GRM5: variants seen among roughly 807,000 people sequenced by gnomAD.
The protein encoded by GRM5 is metabotropic glutamate receptor 5.
Under a neutral mutation model 83.1 loss-of-function variants are expected in GRM5, and 19 were observed. That is an observed-to-expected ratio of 0.23 (90% CI 0.16 to 0.34). The LOEUF is 0.34. Among genes scored for constraint, GRM5 ranks in the 10% least tolerant of loss-of-function variants. GRM5 has a pLI of 1.00. For missense variants in GRM5, 1,160 were observed against 1,588.3 expected (o/e 0.73, Z 4.58); for synonymous variants, 675 against 633.6 (o/e 1.07, Z -0.98).
chr11:88,949,847 C>A (rs1370536369), intron 2 of GRM5, among the ~76,000 whole-genome samples: 1 of 151,972 alleles, frequency 6.6e-6, no homozygotes, highest in Non-Finnish European at 1.5e-5. Context: ...ATGATATATA[C>A]ATCAATGTAA....
intron 3 of GRM5, among the ~76,000 whole-genome samples, chr11:88,710,009 G>C (rs894990617): frequency 6.6e-6 from 1 of 152,078 alleles, no homozygotes; most frequent in East Asian, 1.9e-4. Flanking sequence ...GAGGGAAAAT[G>C]CTGGGTATTC....
intron 5 of GRM5, among the ~76,000 whole-genome samples, chr11:88,602,956 T>G (rs1938039576): frequency 6.6e-6 from 1 of 152,206 alleles, no homozygotes; most frequent in South Asian, 2.1e-4. Context: ...TTCCTGAGTC[T>G]GCTTCATGCC....
At chr11:88,955,146 T>C (rs1938570119) in intron 2 of GRM5, among the ~76,000 whole-genome samples, 1 of 152,110 alleles carries the variant, frequency 6.6e-6, no homozygotes, top group African/African-American at 2.4e-5. Context: ...ACACACACAA[T>C]CAAAAGCAAA....
chr11:88,902,865 C>T (rs185936952), intron 2 of GRM5, among the ~76,000 whole-genome samples: 134 of 142,618 alleles, frequency 9.4e-4, no homozygotes, highest in Non-Finnish European at 1.5e-3. Context: ...GCAGAAGAAT[C>T]GCTTGAATCC....
rs555627688 is a variant in GRM5, at chr11:88,682,697, A to G, written c.912-29294T>C. 3.9e-5 allele frequency among the ~76,000 whole-genome samples: 6 copies of G among 152,086 alleles called. No individual in the cohort carries two copies. The South Asian group carries it at 8.3e-4, about 21-fold the overall frequency. On this transcript the variant is annotated intron_variant, in intron 3 of 9. Coordinates refer to ENST00000305447, the MANE Select transcript of GRM5 (RefSeq NM_001143831.3). The stretch of plus-strand genomic sequence containing the variant: ...TATATCTGCCTATGATGCTTTGTTT[A>G]TATTTCTGTTAATGCAGTTCTCTCT...
At chr11:88,639,433 A>T (rs562231326) in intron 4 of GRM5, among the ~76,000 whole-genome samples, 1 of 152,196 alleles carries the variant, frequency 6.6e-6, no homozygotes, top group South Asian at 2.1e-4. Context: ...TTTGAGGTCC[A>T]GTGTCTTGCA....
chr11:88,950,540 A>G (rs919720307), intron 2 of GRM5, among the ~76,000 whole-genome samples: 5 of 152,210 alleles, frequency 3.3e-5, no homozygotes, highest in Non-Finnish European at 5.9e-5. Context: ...AACTAGAAAT[A>G]ATGTGAAAAC....
intron 2 of GRM5, among the ~76,000 whole-genome samples, chr11:88,862,629 G>T (rs115291838): frequency 6.6e-6 from 1 of 151,992 alleles, no homozygotes; most frequent in East Asian, 1.9e-4. Flanking sequence ...TATTGATATT[G>T]TATCTACAGG....
chr11:89,041,927 G>A (rs1199175289), intron 2 of GRM5, among the ~76,000 whole-genome samples: 4 of 152,148 alleles, frequency 2.6e-5, no homozygotes, highest in Admixed American at 2.6e-4. Flanking sequence ...CAGAATTTTT[G>A]TGGAGCAAAG....
intron 2 of GRM5, among the ~76,000 whole-genome samples, chr11:88,858,656 G>GC (rs369400003): frequency 7.2e-4 from 109 of 152,102 alleles, no homozygotes; most frequent in Middle Eastern, 3.4e-3. Context: ...AGATTCCTGA[G>GC]CCCTGGAATC....
At chr11:88,995,870 C>G (rs751164621) in intron 2 of GRM5, among the ~76,000 whole-genome samples, 1 of 151,972 alleles carries the variant, frequency 6.6e-6, no homozygotes, top group African/African-American at 2.4e-5. Flanking sequence ...TATTGGGGCT[C>G]TGGGCATGGA....
intron 4 of GRM5, among the ~76,000 whole-genome samples, chr11:88,609,998 C>G (rs978045607): frequency 4.6e-5 from 7 of 152,080 alleles, no homozygotes; most frequent in African/African-American, 1.7e-4. Flanking sequence ...AAGTCCTTTC[C>G]CCACTGTTTG....
In GRM5 at chr11:88,597,263, T is replaced by A. The variant is rs1205095710; in HGVS notation, c.1484A>T (p.Asp495Val). 1 of 1,605,112 alleles carries A rather than the reference T, an allele frequency of 6.2e-7. No homozygotes were observed. Among genetic ancestry groups the A allele is most frequent in the Non-Finnish European group, 8.5e-7 (1 of 1,172,250 alleles). ...TTTCTTGGACCATACTTCATCATCA[T>A]CCATTTTTAATTCTCCATTGTCCCA... ...GSWDNGELKMDDDEVWSKKSN... is the reference protein window; with the variant it reads ...GSWDNGELKMVDDEVWSKKSN... The change falls in exon 6 of 10, where the codon GAT becomes GTT. Residue 495 changes from aspartate (D) to valine (V), a missense_variant. Asp to Val is a radical substitution (Grantham distance 152). Transcript: ENST00000305447.
intron 3 of GRM5, among the ~76,000 whole-genome samples, chr11:88,725,900 C>A (rs1224873017): frequency 6.6e-6 from 1 of 152,068 alleles, no homozygotes; most frequent in Non-Finnish European, 1.5e-5. Flanking sequence ...CATCAAAGAC[C>A]AAAGGTAGAT....
intron 7 of GRM5, among the ~76,000 whole-genome samples, chr11:88,574,957 G>A (rs1456022762): frequency 6.6e-6 from 1 of 150,656 alleles, no homozygotes; most frequent in Non-Finnish European, 1.5e-5. Flanking sequence ...CTTTTCTTAA[G>A]GAGGCTGTTA....
At chr11:89,034,720 T>C (rs1941342718) in intron 2 of GRM5, among the ~76,000 whole-genome samples, 1 of 151,776 alleles carries the variant, frequency 6.6e-6, no homozygotes, top group Non-Finnish European at 1.5e-5. Context: ...TGCATTGAAA[T>C]GCAAATATCT....
chr11:88,622,776 C>T (rs1395012894), intron 4 of GRM5, among the ~76,000 whole-genome samples: 1 of 152,044 alleles, frequency 6.6e-6, no homozygotes, highest in African/African-American at 2.4e-5. Flanking sequence ...GTCCTAAAAT[C>T]CGTAAAATTG....
chr11:88,537,310 A>G (rs564750922), intron 8 of GRM5, among the ~76,000 whole-genome samples: 59 of 152,294 alleles, frequency 3.9e-4, no homozygotes, highest in African/African-American at 1.3e-3. Flanking sequence ...ACAGATTGGC[A>G]TTTCTCTGGC....
chr11:88,613,032 T>C (rs370926560), intron 4 of GRM5: 1 of 152,180 alleles, frequency 6.6e-6, no homozygotes. Context: ...TAATGATTTT[T>C]AATTTGTATT....
Sources: allele counts gnomAD v4.1 joint callset (sites outside exome capture counted in the v4.1 genomes callset), GRCh38; gene constraint gnomAD v4.1.1; transcripts MANE v1.5; gene names NCBI Gene and HGNC (gene_info 2026-07-23, HGNC 2026-07-21).